ZNF385D: variants seen among roughly 807,000 people sequenced by gnomAD.
The protein encoded by ZNF385D is zinc finger protein 659.
A neutral mutation model predicts 35.8 loss-of-function variants in ZNF385D; 15 were observed. The observed-to-expected ratio is 0.42, with a 90% CI of 0.28 to 0.64. The LOEUF (loss-of-function observed/expected upper bound fraction) is 0.64. ZNF385D is among the 30% of genes least tolerant of loss of function. The pLI is 0.23. For synonymous variants in ZNF385D, 212 were observed against 186.8 expected, an observed-to-expected ratio of 1.13 and a Z score of -1.10; for missense variants, 474 against 494.6, an observed-to-expected ratio of 0.96 and a Z score of 0.39.
chr3:22,074,894 G>T (rs553436477), intron 3 of ZNF385D, among the ~76,000 whole-genome samples: 1 of 151,768 alleles, frequency 6.6e-6, no homozygotes, highest in African/African-American at 2.4e-5. Context: ...TTAATTCAGT[G>T]GTTCTCAACA....
rs533807645 is a variant in ZNF385D, at chr3:21,830,271, T to C, written c.326-165243A>G. ...TATTACTGGCATGAGTATTTCGGGATTGTATCCTAGTTTACTTGTTTAAGC... is the reference window on the plus strand; with the variant it reads ...TATTACTGGCATGAGTATTTCGGGACTGTATCCTAGTTTACTTGTTTAAGC... On this transcript the variant is annotated intron_variant, in intron 3 of 5. Coordinates refer to the ZNF385D transcript ENST00000494108. Among the ~76,000 whole-genome samples the C allele has an allele frequency of 1.7e-3, 260 of 152,362 alleles. 2 individuals are homozygous for C. Among genetic ancestry groups the C allele is most frequent in the Admixed American group, 6.5e-3 (99 of 15,308 alleles).
chr3:22,097,730 A>G (rs1199481936), intron 3 of ZNF385D, among the ~76,000 whole-genome samples: 1 of 152,060 alleles, frequency 6.6e-6, no homozygotes, highest in African/African-American at 2.4e-5. Flanking sequence ...TTGGAGAAGC[A>G]GCAGCAGCAG....
At chr3:22,250,925 G>A (rs1424161116) in intron 2 of ZNF385D, among the ~76,000 whole-genome samples, 3 of 151,958 alleles carry the variant, frequency 2.0e-5, no homozygotes, top group Non-Finnish European at 2.9e-5. Flanking sequence ...CTTGAGAATC[G>A]ACCAAATGTT....
intron 2 of ZNF385D, among the ~76,000 whole-genome samples, chr3:22,187,707 T>G (rs77935892): frequency 0.027 from 4,094 of 152,294 alleles, 96 homozygotes; most frequent in South Asian, 0.11. Context: ...AATATTATTT[T>G]AACATTGGTT....
chr3:22,097,237 G>A (rs1249952510), intron 3 of ZNF385D, among the ~76,000 whole-genome samples: 1 of 152,010 alleles, frequency 6.6e-6, no homozygotes, highest in Non-Finnish European at 1.5e-5. Context: ...TACATTTTGA[G>A]GTGGTTTGTT....
chr3:21,934,533 C>G (rs1201620105), intron 3 of ZNF385D, among the ~76,000 whole-genome samples: 3 of 152,116 alleles, frequency 2.0e-5, no homozygotes, highest in African/African-American at 7.2e-5. Context: ...ACCAGATGAC[C>G]TCTTCTAGCA....
chr3:21,427,832 A>G (rs1053890137), intron 5 of ZNF385D, among the ~76,000 whole-genome samples: 2 of 152,166 alleles, frequency 1.3e-5, no homozygotes, highest in Non-Finnish European at 2.9e-5. Context: ...TAGAAAAGAT[A>G]GGACAATTAA....
chr3:21,725,081 T>A (rs2068702376), intron 1 of ZNF385D, among the ~76,000 whole-genome samples: 1 of 152,180 alleles, frequency 6.6e-6, no homozygotes, highest in South Asian at 2.1e-4. Flanking sequence ...CCTGAATGAC[T>A]ACTGGATAAA....
intron 3 of ZNF385D, among the ~76,000 whole-genome samples, chr3:21,557,157 T>A (rs1346553362): frequency 6.6e-6 from 1 of 152,198 alleles, no homozygotes; most frequent in Non-Finnish European, 1.5e-5. Flanking sequence ...TACCCTTTAT[T>A]TCTTTCCCTT....
chr3:21,865,496 A>G (rs1697298050), intron 3 of ZNF385D, among the ~76,000 whole-genome samples: 1 of 152,136 alleles, frequency 6.6e-6, no homozygotes, highest in Non-Finnish European at 1.5e-5. Context: ...CAACACTGCT[A>G]TCAGTTTGCT....
At chr3:21,640,813 G>A (rs1559482059) in intron 2 of ZNF385D, among the ~76,000 whole-genome samples, 1 of 152,124 alleles carries the variant, frequency 6.6e-6, no homozygotes, top group Admixed American at 6.6e-5. Context: ...GAAGCACAAT[G>A]TCTGCTGAAG....
intron 2 of ZNF385D, among the ~76,000 whole-genome samples, chr3:21,609,024 A>C (rs1389433418): frequency 1.3e-5 from 2 of 152,244 alleles, no homozygotes; most frequent in African/African-American, 4.8e-5. Context: ...GCTGTCCTTC[A>C]TAAATGTAAC....
rs554612746 is a variant in ZNF385D, at chr3:22,091,265, A to G, written c.325+77552T>C. On this transcript the variant is annotated intron_variant, in intron 3 of 5. Transcript: ENST00000494108. ...TACCAGAGCCTACTGGTGAAGATAA[A>G]CCAGTCCAGCATGATAAACCATAGC... 1.7e-3 allele frequency among the ~76,000 whole-genome samples: 257 copies of G among 152,262 alleles called. 1 individual carries two copies. Among genetic ancestry groups the G allele is most frequent in the African/African-American group, 5.8e-3 (240 of 41,570 alleles).
rs141754652 is a variant in ZNF385D, at chr3:21,452,607, A to C, written c.440-15404T>G. On this transcript the variant is annotated intron_variant, in intron 4 of 7. Transcript: ENST00000281523. ...TAAAGTTAAGAAAACAATTTCCCTT[A>C]CAATTGCATGAAAAAGAATAAAATC... Among the ~76,000 whole-genome samples the C allele has an allele frequency of 3.6e-3, 543 of 152,214 alleles. 1 individual carries two copies. The highest frequency in any genetic ancestry group is 0.012 in the African/African-American group (515 of 41,572).
At chr3:22,314,557 A>G (rs1256499368) in intron 2 of ZNF385D, among the ~76,000 whole-genome samples, 1 of 152,056 alleles carries the variant, frequency 6.6e-6, no homozygotes, top group East Asian at 1.9e-4. Context: ...TTTTTTCCCT[A>G]ATTTTCTTCT....
chr3:21,778,730 A>G (rs1291391047), intron 3 of ZNF385D, among the ~76,000 whole-genome samples: 1 of 152,018 alleles, frequency 6.6e-6, no homozygotes. Context: ...AAATCCAAAT[A>G]GAAATTCCCC....
At chr3:21,752,148 G>T (rs62236196), upstream of ZNF385D, among the ~76,000 whole-genome samples, 1 of 151,878 alleles carries the variant, frequency 6.6e-6, no homozygotes, top group Non-Finnish European at 1.5e-5. Flanking sequence ...CATAGAAAAG[G>T]ATATTAGAAA....
At chr3:22,196,203 T>C (rs184519127) in intron 2 of ZNF385D, among the ~76,000 whole-genome samples, 1 of 152,214 alleles carries the variant, frequency 6.6e-6, no homozygotes, top group East Asian at 1.9e-4. Flanking sequence ...AAATGTTTGC[T>C]AATCGAATAG....
intron 1 of ZNF385D, among the ~76,000 whole-genome samples, chr3:21,695,669 T>C (rs1228527539): frequency 6.6e-6 from 1 of 152,094 alleles, no homozygotes; most frequent in Non-Finnish European, 1.5e-5. Context: ...CAGCCAGTCA[T>C]CAAGCTATGC....
Sources: allele counts gnomAD v4.1 joint callset (sites outside exome capture counted in the v4.1 genomes callset), GRCh38; gene constraint gnomAD v4.1.1; transcripts MANE v1.5; gene names NCBI Gene and HGNC (gene_info 2026-07-23, HGNC 2026-07-21).